Variants in NREP observed in about 807,000 individuals in gnomAD.
NREP encodes neuronal regeneration related protein, also known as neuronal regeneration-related protein.
In NREP, 5 loss-of-function variants were observed where a neutral mutation model predicts 8.6. The ratio of observed to expected loss-of-function variants is 0.58; its 90% CI spans 0.30 to 1.22. The LOEUF is 1.22. NREP is among the 50% of genes most tolerant of loss of function. The probability of loss-of-function intolerance (pLI) is 0.07; values close to 1 mark genes in which losing one functional copy is unlikely to be tolerated. For synonymous variants in NREP, 27 were observed against 28.0 expected, an observed-to-expected ratio of 0.96 and a Z score of 0.11; for missense variants, 86 against 82.5, an observed-to-expected ratio of 1.04 and a Z score of -0.17.
At chr5:111,900,294 G>A (rs1009678797) in intron 2 of NREP, among the ~76,000 whole-genome samples, 5 of 151,888 alleles carry the variant, frequency 3.3e-5, no homozygotes, top group African/African-American at 1.2e-4. Flanking sequence ...AGTGCTGAGA[G>A]AGATGATAGC....
At chr5:111,746,108 G>A (rs2112827575) in intron 2 of NREP, among the ~76,000 whole-genome samples, 1 of 152,156 alleles carries the variant, frequency 6.6e-6, no homozygotes, top group East Asian at 1.9e-4. Flanking sequence ...AATTCACAAT[G>A]ATTATCAGAT....
In NREP at chr5:111,735,519, C is replaced by A. The variant is rs761718740; in HGVS notation, c.4-12G>T. The A allele has an allele frequency of 1.9e-6, 3 of 1,586,644 alleles. No homozygotes were observed. The highest frequency in any genetic ancestry group is 2.2e-5 in the East Asian group (1 of 44,714). On this transcript the variant is annotated splice_polypyrimidine_tract_variant and intron_variant, in intron 2 of 3. Coordinates refer to ENST00000257435, the MANE Select transcript of NREP (RefSeq NM_004772.4). ...TCTGGGTAATAAACCTATAGAGACA[C>A]AAAAGCATACACATTCAGATTAAAA...
At chr5:111,823,619 G>A (rs1475727831) in intron 2 of NREP, among the ~76,000 whole-genome samples, 1 of 152,046 alleles carries the variant, frequency 6.6e-6, no homozygotes, top group African/African-American at 2.4e-5. Flanking sequence ...TATTAACTAG[G>A]ATTGTCTATA....
chr5:111,942,425 C>T (rs1042110220), intron 2 of NREP, among the ~76,000 whole-genome samples: 2 of 151,998 alleles, frequency 1.3e-5, no homozygotes, highest in East Asian at 1.9e-4. Context: ...CTAAAATAGG[C>T]GCTTTTGCTC....
rs1750414066 is a variant in NREP at position 111,752,349 on chromosome 5, C to T, written c.3+3421G>A. 2.0e-5 allele frequency among the ~76,000 whole-genome samples: 3 copies of T among 152,258 alleles called. No homozygotes were observed. In the South Asian group the frequency reaches 6.2e-4, roughly 32 times the overall value. On this transcript the variant is annotated intron_variant, in intron 2 of 3. Transcript: ENST00000257435. ...ACTGTCCTAATTCCTCAAACGATTC[C>T]CAATTCTCTCCCTCACTGTTCACTG...
At chr5:111,888,102 C>T (rs139128041) in intron 2 of NREP, among the ~76,000 whole-genome samples, 40 of 152,264 alleles carry the variant, frequency 2.6e-4, no homozygotes, top group African/African-American at 8.9e-4. Flanking sequence ...TGAGGGTCAG[C>T]TAAGGCAAGG....
At chr5:111,904,409 T>C (rs1443265599) in intron 2 of NREP, among the ~76,000 whole-genome samples, 1 of 152,174 alleles carries the variant, frequency 6.6e-6, no homozygotes, top group African/African-American at 2.4e-5. Flanking sequence ...CACCCATTCA[T>C]CTTTCCTGTC....
chr5:111,908,385 T>C (rs992801138), intron 2 of NREP, among the ~76,000 whole-genome samples: 2 of 152,038 alleles, frequency 1.3e-5, no homozygotes, highest in Admixed American at 6.6e-5. Context: ...ATCACGCAGG[T>C]AGTAAGCATA....
At chr5:111,740,936 T>C (rs965507066) in intron 2 of NREP, among the ~76,000 whole-genome samples, 2 of 152,202 alleles carry the variant, frequency 1.3e-5, no homozygotes, top group African/African-American at 4.8e-5. Flanking sequence ...GAATGATACT[T>C]AAAGGCAGGA....
At chr5:111,975,315 T>C (rs1756931593) in exon 2 of NREP, 4 of 1,551,512 alleles carry the variant, frequency 2.6e-6, no homozygotes, top group Non-Finnish European at 3.5e-6. Flanking sequence ...TGGAAACATT[T>C]GGAACAAGGG....
At chr5:111,919,550 AG>A (rs1755164209) in intron 2 of NREP, among the ~76,000 whole-genome samples, 1 of 152,168 alleles carries the variant, frequency 6.6e-6, no homozygotes. Context: ...GCCATAAAAA[AG>A]GATGAGTTCA....
At chr5:111,922,655 G>T (rs1016326710) in intron 2 of NREP, among the ~76,000 whole-genome samples, 1 of 152,148 alleles carries the variant, frequency 6.6e-6, no homozygotes, top group Non-Finnish European at 1.5e-5. Context: ...TCTCCTCTGA[G>T]AATAATCTTT....
intron 2 of NREP, among the ~76,000 whole-genome samples, chr5:111,898,177 A>T (rs1754557658): frequency 6.6e-6 from 1 of 152,192 alleles, no homozygotes; most frequent in Non-Finnish European, 1.5e-5. Flanking sequence ...TAAAGGCTCA[A>T]TCTGGCTGTT....
intron 2 of NREP, among the ~76,000 whole-genome samples, chr5:111,737,181 C>G (rs1411824647): frequency 3.3e-5 from 5 of 152,180 alleles, no homozygotes; most frequent in Non-Finnish European, 5.9e-5. Flanking sequence ...TTGGGACAAG[C>G]AGCCACTTCT....
intron 2 of NREP, among the ~76,000 whole-genome samples, chr5:111,779,776 G>C (rs962490621): frequency 6.6e-6 from 1 of 152,194 alleles, no homozygotes; most frequent in Admixed American, 6.5e-5. Context: ...GGACTTAACA[G>C]TAGGCTTTGG....
intron 2 of NREP, among the ~76,000 whole-genome samples, chr5:111,961,282 C>T (rs537878137): frequency 6.6e-6 from 1 of 152,304 alleles, no homozygotes; most frequent in South Asian, 2.1e-4. Context: ...GTACACCTTA[C>T]CCACTCAGCC....
At chr5:111,976,753 C>G (rs769694762) in exon 1 of NREP, 2 of 1,550,392 alleles carry the variant, frequency 1.3e-6, no homozygotes, top group Non-Finnish European at 1.7e-6. Context: ...AGTCCTGTTA[C>G]TGCTTGAGGA....
At chr5:111,768,717 T>C (rs886124537) in intron 2 of NREP, among the ~76,000 whole-genome samples, 1 of 152,158 alleles carries the variant, frequency 6.6e-6, no homozygotes, top group Non-Finnish European at 1.5e-5. Context: ...GGCTGTGTAG[T>C]ATTCTGTGGT....
intron 2 of NREP, among the ~76,000 whole-genome samples, chr5:111,841,268 T>C (rs909698048): frequency 7.2e-5 from 11 of 152,162 alleles, no homozygotes; most frequent in Admixed American, 7.2e-4. Flanking sequence ...ATCCATCAGC[T>C]CCTTTCCTCC....
Sources: gnomAD v4.1 joint callset for allele counts (sites outside exome capture counted in the v4.1 genomes callset) on GRCh38, gnomAD v4.1.1 for gene constraint, MANE v1.5 for transcripts, NCBI Gene and HGNC (gene_info 2026-07-23, HGNC 2026-07-21) for gene names.